WNK2: variants seen among roughly 807,000 people sequenced by gnomAD.
The protein encoded by WNK2 is serine/threonine-protein kinase WNK2.
A neutral mutation model predicts 192.1 loss-of-function variants in WNK2; 67 were observed. That is an observed-to-expected ratio of 0.35 (90% CI 0.29 to 0.43). The LOEUF is 0.43. WNK2 is among the 20% of genes least tolerant of loss of function. WNK2 has a pLI of 1.00. For missense variants in WNK2, 2,698 were observed against 3,089.7 expected (o/e 0.87, Z 3.01); for synonymous variants, 1,439 against 1,393.9 (o/e 1.03, Z -0.72).
chr9:93,288,682 G>C (rs578123492), intron 19 of WNK2, 106 bp from the exon 20 acceptor site: 3 of 1,170,048 alleles, frequency 2.6e-6, no homozygotes, highest in African/African-American at 3.1e-5. Context: ...AGACCAGCAC[G>C]CTGGGGCCAT....
chr9:93,199,112 G>A (rs891640450), intron 2 of WNK2, among the ~76,000 whole-genome samples: 14 of 152,212 alleles, frequency 9.2e-5, no homozygotes, highest in Admixed American at 3.3e-4. Flanking sequence ...GGCCTGAGAC[G>A]TGTGAGCAAG....
intron 2 of WNK2, among the ~76,000 whole-genome samples, chr9:93,222,891 A>G (rs1259777317): frequency 1.3e-5 from 2 of 152,200 alleles, no homozygotes; most frequent in Non-Finnish European, 2.9e-5. Flanking sequence ...CACATTGGCC[A>G]GGCTGGTCTC....
At chr9:93,246,087 C>T (rs1841631774) in intron 7 of WNK2, among the ~76,000 whole-genome samples, 1 of 152,226 alleles carries the variant, frequency 6.6e-6, no homozygotes, top group South Asian at 2.1e-4. Context: ...CTTCACCCCT[C>T]CTGCCACCCC....
intron 19 of WNK2, among the ~76,000 whole-genome samples, chr9:93,287,773 A>G (rs1045470194): frequency 1.3e-5 from 2 of 152,130 alleles, no homozygotes; most frequent in Non-Finnish European, 2.9e-5. Context: ...TTAAAAAGAC[A>G]AAGTGGGCTG....
At chr9:93,269,793 A>G (rs1346094982) in intron 19 of WNK2, among the ~76,000 whole-genome samples, 1 of 152,214 alleles carries the variant, frequency 6.6e-6, no homozygotes, top group African/African-American at 2.4e-5. Flanking sequence ...TCATCTATGC[A>G]CTGAGTGACC....
At chr9:93,312,375 AT>A in intron 28 of WNK2, among the ~76,000 whole-genome samples, 1 of 151,338 alleles carries the variant, frequency 6.6e-6, no homozygotes, top group Non-Finnish European at 1.5e-5. Flanking sequence ...TTTAGAGTTG[AT>A]TTTTTTTCTT....
chr9:93,211,195 CACACATTTA>C (rs1834509095), intron 2 of WNK2, among the ~76,000 whole-genome samples: 3 of 99,642 alleles, frequency 3.0e-5, no homozygotes, highest in Non-Finnish European at 6.6e-5. Flanking sequence ...TTCACACACT[CACACATTTA>C]CTCATTCAAT....
At chr9:93,184,457 C>T (rs867668812) in intron 1 of WNK2, among the ~76,000 whole-genome samples, 72 bp downstream of exon 1, 171 of 151,684 alleles carry the variant, frequency 1.1e-3, no homozygotes, top group African/African-American at 4.0e-3. Context: ...AGCCCCCTCC[C>T]CGCGCGCCCC....
At chr9:93,203,372 G>A (rs1203919590) in intron 2 of WNK2, among the ~76,000 whole-genome samples, 2 of 152,220 alleles carry the variant, frequency 1.3e-5, no homozygotes, top group African/African-American at 4.8e-5. Context: ...AGCCACCCAG[G>A]CTGGGGAGGC....
chr9:93,189,025 C>T (rs892405708), intron 2 of WNK2, among the ~76,000 whole-genome samples: 2 of 152,228 alleles, frequency 1.3e-5, no homozygotes, highest in Non-Finnish European at 2.9e-5. Flanking sequence ...GGCTCCCACT[C>T]TCACTTGCTG....
intron 26 of WNK2, among the ~76,000 whole-genome samples, chr9:93,304,245 G>A (rs950658761): frequency 1.3e-5 from 2 of 152,314 alleles, no homozygotes; most frequent in Non-Finnish European, 2.9e-5. Flanking sequence ...CCAAGAGCAG[G>A]CTGTTTTTGT....
Position 93,239,677 on chromosome 9 carries a change from C to T in WNK2, c.1323-80C>T. On this transcript the variant is annotated intron_variant, in intron 6 of 29. Transcript: ENST00000427277. The surrounding 1 kb of genome is among the most constrained non-coding windows in gnomAD (Gnocchi z 4.2). ...CTCCTGCAGGTGTGCCTGTCCTTGTCCTGGTGCGCATGGACACAGGAGCCT... is the reference window on the plus strand; with the variant it reads ...CTCCTGCAGGTGTGCCTGTCCTTGTTCTGGTGCGCATGGACACAGGAGCCT... 1 of 1,306,306 alleles carries T rather than the reference C, an allele frequency of 7.7e-7. No individual in the cohort carries two copies. The highest frequency in any genetic ancestry group is 1.1e-6 in the Non-Finnish European group (1 of 943,618). 80.9% of individuals were successfully genotyped at this position (1,306,306 alleles called of 1,614,324 possible). A position where few individuals can be genotyped will look rare whatever the true frequency, so the allele number is the denominator to read the frequency against.
chr9:93,278,264 G>C (rs1056200452), intron 19 of WNK2, among the ~76,000 whole-genome samples: 45 of 152,252 alleles, frequency 3.0e-4, no homozygotes, highest in African/African-American at 1.1e-3. Context: ...CGGAGTTCTG[G>C]AGAGGAGAGA....
chr9:93,289,678 G>A (rs926926161), intron 20 of WNK2, 58 bp downstream of exon 20: 43 of 1,399,562 alleles, frequency 3.1e-5, no homozygotes, highest in East Asian at 2.5e-4. Flanking sequence ...GAGCCCGGGC[G>A]CAGGCCCGGG....
intron 2 of WNK2, among the ~76,000 whole-genome samples, chr9:93,226,205 C>T (rs1837790458): frequency 6.6e-6 from 1 of 152,232 alleles, no homozygotes; most frequent in South Asian, 2.1e-4. Flanking sequence ...TCTGACATTA[C>T]ACTAGAACAG....
intron 19 of WNK2, 148 bp downstream of exon 19, chr9:93,268,894 G>T: frequency 6.4e-7 from 1 of 1,567,836 alleles, no homozygotes; most frequent in Non-Finnish European, 8.6e-7. Context: ...GCAGCCTGTG[G>T]GGCTGTGTTC....
chr9:93,205,919 A>C (rs2131369521), intron 2 of WNK2, among the ~76,000 whole-genome samples: 1 of 152,234 alleles, frequency 6.6e-6, no homozygotes. Context: ...TTTGGATGGC[A>C]AGAGGAAAAT....
intron 19 of WNK2, among the ~76,000 whole-genome samples, chr9:93,284,726 G>A (rs1848208453): frequency 6.6e-6 from 1 of 152,186 alleles, no homozygotes; most frequent in South Asian, 2.1e-4. Context: ...ATTTCTGGGG[G>A]TAGGACCCAA....
chr9:93,195,681 A>G (rs150003980), intron 2 of WNK2, among the ~76,000 whole-genome samples: 1,682 of 140,436 alleles, frequency 0.012, 24 homozygotes, highest in African/African-American at 0.044. Context: ...CCTGGGCAAC[A>G]GAGTAAAGAC....
Sources: gnomAD v4.1 joint callset for allele counts (sites outside exome capture counted in the v4.1 genomes callset) on GRCh38, gnomAD v4.1.1 for gene constraint, Gnocchi (gnomAD v3.1) non-coding constraint, MANE v1.5 for transcripts, NCBI Gene and HGNC (gene_info 2026-07-23, HGNC 2026-07-21) for gene names.